RARB: variants seen among roughly 807,000 people sequenced by gnomAD.
RARB encodes the protein HBV-activated protein.
Under a neutral mutation model 51.9 loss-of-function variants are expected in RARB, and 17 were observed. That is an observed-to-expected ratio of 0.33 (90% confidence interval 0.22 to 0.49). RARB has a LOEUF of 0.49. Ranked by LOEUF, RARB falls within the 20% of genes least tolerant of loss-of-function variation. The pLI, the probability that RARB is intolerant of heterozygous loss-of-function variation, is 0.99. For missense variants in RARB, 369 were observed against 550.8 expected (o/e 0.67, Z 3.30); for synonymous variants, 215 against 195.4 (o/e 1.10, Z -0.84).
intron 5 of RARB, among the ~76,000 whole-genome samples, chr3:25,176,636 C>T (rs188522229): frequency 1.6e-3 from 244 of 151,872 alleles, no homozygotes; most frequent in African/African-American, 5.5e-3. Flanking sequence ...CCTCATGATC[C>T]AGCCACCTCA....
At chr3:25,230,651 C>G (rs1702156511) in intron 5 of RARB, among the ~76,000 whole-genome samples, 1 of 151,730 alleles carries the variant, frequency 6.6e-6, no homozygotes, top group African/African-American at 2.4e-5. Flanking sequence ...TTTAATCTTC[C>G]CAGATAGGAA....
At chr3:25,154,669 C>A (rs76781901) in intron 4 of RARB, among the ~76,000 whole-genome samples, 4,745 of 152,300 alleles carry the variant, frequency 0.031, 233 homozygotes, top group African/African-American at 0.11. Flanking sequence ...TGTGTAGGGT[C>A]TTCCATCCAG....
Position 25,525,048 on chromosome 3 carries a change from G to C in RARB, c.448+23725G>C, listed in dbSNP as rs577765737. ...CCAGCCCTTTGTATATTTTTAAAAGGTCTTCTTTTCTAGCTCTTGGAAATA... is the reference window on the plus strand; with the variant it reads ...CCAGCCCTTTGTATATTTTTAAAAGCTCTTCTTTTCTAGCTCTTGGAAATA... On this transcript the variant is annotated intron_variant, in intron 3 of 7. Transcript: ENST00000330688. Among the ~76,000 whole-genome samples, 3 of 152,178 alleles carry C rather than the reference G, an allele frequency of 2.0e-5. No homozygotes were observed. In the South Asian group the frequency reaches 6.2e-4, roughly 32 times the overall value.
chr3:25,430,388 T>TC (rs1159070893), intron 1 of RARB, among the ~76,000 whole-genome samples: 15 of 152,226 alleles, frequency 9.9e-5, no homozygotes, highest in Non-Finnish European at 1.5e-5. Flanking sequence ...TCTGTTGGAA[T>TC]CCCAGGGAAC....
intron 4 of RARB, among the ~76,000 whole-genome samples, chr3:25,576,640 T>G (rs1700946557): frequency 6.6e-6 from 1 of 152,200 alleles, no homozygotes; most frequent in African/African-American, 2.4e-5. Flanking sequence ...TCACTCTTGC[T>G]TTTTAGCCAG....
chr3:24,834,688 C>G (rs1702319867), intron 1 of RARB, among the ~76,000 whole-genome samples: 1 of 152,174 alleles, frequency 6.6e-6, no homozygotes, highest in African/African-American at 2.4e-5. Flanking sequence ...TCAGTGGTAT[C>G]ATTGGACTCG....
intron 2 of RARB, among the ~76,000 whole-genome samples, chr3:24,992,454 A>G (rs1372861586): frequency 6.6e-6 from 1 of 152,180 alleles, no homozygotes; most frequent in African/African-American, 2.4e-5. Context: ...TGATAAAACC[A>G]GAGAAAATTT....
chr3:25,412,348 A>G (rs544277789), intron 5 of RARB, among the ~76,000 whole-genome samples: 7 of 152,240 alleles, frequency 4.6e-5, no homozygotes, highest in African/African-American at 1.7e-4. Flanking sequence ...AAGGGGGCCT[A>G]GTTATATAGA....
At chr3:25,282,015 C>A (rs1011138509) in intron 5 of RARB, among the ~76,000 whole-genome samples, 1 of 152,078 alleles carries the variant, frequency 6.6e-6, no homozygotes, top group Admixed American at 6.6e-5. Context: ...GGTGCAAATA[C>A]AAAAGCATAA....
intron 2 of RARB, among the ~76,000 whole-genome samples, chr3:24,943,849 T>C (rs1695720142): frequency 6.6e-6 from 1 of 152,198 alleles, no homozygotes; most frequent in African/African-American, 2.4e-5. Context: ...TCAATTGTCA[T>C]GGTCATTATG....
intron 3 of RARB, among the ~76,000 whole-genome samples, chr3:25,549,267 G>A (rs774746402): frequency 1.4e-4 from 22 of 152,196 alleles, no homozygotes; most frequent in South Asian, 4.2e-4. Flanking sequence ...AAAGAAGGGG[G>A]CCAAAGCAGA....
chr3:25,102,270 G>A (rs1699417382), intron 3 of RARB, among the ~76,000 whole-genome samples: 1 of 152,186 alleles, frequency 6.6e-6, no homozygotes, highest in South Asian at 2.1e-4. Context: ...GCTGGGCACT[G>A]TGGCTCACAC....
At chr3:25,077,347 C>G (rs1302045087) in intron 3 of RARB, among the ~76,000 whole-genome samples, 1 of 152,144 alleles carries the variant, frequency 6.6e-6, no homozygotes, top group Admixed American at 6.5e-5. Flanking sequence ...AAGGTTCTCT[C>G]ATGTTCTTCC....
intron 5 of RARB, among the ~76,000 whole-genome samples, chr3:25,242,787 A>T (rs1484805310): frequency 6.6e-6 from 1 of 151,974 alleles, no homozygotes; most frequent in East Asian, 1.9e-4. Flanking sequence ...TGTTGGCTAT[A>T]TGGGCTCTTT....
chr3:25,537,795 G>C (rs535396031), intron 3 of RARB, among the ~76,000 whole-genome samples: 1 of 152,238 alleles, frequency 6.6e-6, no homozygotes, highest in East Asian at 1.9e-4. Context: ...GAAGACTCTT[G>C]CTCTTCTTTA....
intron 2 of RARB, among the ~76,000 whole-genome samples, chr3:25,485,263 T>C (rs1236851364): frequency 2.0e-5 from 3 of 152,226 alleles, no homozygotes; most frequent in Non-Finnish European, 4.4e-5. Context: ...ATACTGTGCT[T>C]AATTAATTCT....
chr3:25,413,234 T>C (rs991631468), intron 5 of RARB, among the ~76,000 whole-genome samples: 4 of 151,026 alleles, frequency 2.6e-5, no homozygotes, highest in East Asian at 2.0e-4. Context: ...AGTTGTACTT[T>C]TTGTGTATTT....
At chr3:24,855,424 G>A (rs551535182) in intron 1 of RARB, among the ~76,000 whole-genome samples, 5 of 152,266 alleles carry the variant, frequency 3.3e-5, no homozygotes, top group East Asian at 3.9e-4. Context: ...AACTTACCTC[G>A]TTGCAGACTT....
At chr3:25,021,988 GGA>G (rs1014320931) in intron 2 of RARB, among the ~76,000 whole-genome samples, 3 of 152,110 alleles carry the variant, frequency 2.0e-5, no homozygotes, top group Non-Finnish European at 4.4e-5. Flanking sequence ...CCAATTACAT[GGA>G]GCTTGCAGTC....
Sources: gnomAD v4.1 joint callset for allele counts (sites outside exome capture counted in the v4.1 genomes callset) on GRCh38, gnomAD v4.1.1 for gene constraint, MANE v1.5 for transcripts, NCBI Gene and HGNC (gene_info 2026-07-23, HGNC 2026-07-21) for gene names.